Variants in PXK observed in about 807,000 individuals in gnomAD.
PXK encodes PX domain containing serine/threonine kinase like.
Under a neutral mutation model 84.7 loss-of-function variants are expected in PXK, and 35 were observed. The observed-to-expected ratio is 0.41, with a 90% CI of 0.32 to 0.55. The LOEUF (loss-of-function observed/expected upper bound fraction) is 0.55, where lower values mean the gene tolerates loss of function less well. PXK is among the 20% of genes least tolerant of loss of function. The pLI, the probability that PXK is intolerant of heterozygous loss-of-function variation, is 0.21. For missense variants in PXK, 634 were observed against 699.7 expected (o/e 0.91, Z 1.06); for synonymous variants, 253 against 260.8 (o/e 0.97, Z 0.29).
rs201688534 is a variant in PXK at position 58,354,446 on chromosome 3, T to TA, written c.103-11427dup. Among the ~76,000 whole-genome samples the TA allele has an allele frequency of 8.3e-3, 1,238 of 149,600 alleles. 21 individuals carry two copies. The highest frequency in any genetic ancestry group is 0.028 in the African/African-American group (1,127 of 40,208). Reference sequence around the variant, plus strand: ...ATTTTTGTGGTGTGGAGCTGCTTCCTAGTTTTTTTTTTTTTTTTGAGACTG... The same window carrying TA: ...ATTTTTGTGGTGTGGAGCTGCTTCCTAAGTTTTTTTTTTTTTTTTGAGACTG... On this transcript the variant is annotated intron_variant, in intron 1 of 17. Coordinates refer to ENST00000356151, the MANE Select transcript of PXK (RefSeq NM_017771.5).
chr3:58,387,012 C>T (rs1479664286), intron 4 of PXK, among the ~76,000 whole-genome samples: 1 of 152,188 alleles, frequency 6.6e-6, no homozygotes. Flanking sequence ...GTGCAATCTG[C>T]TGTGGTGGAC....
rs1164910769 is a variant in PXK at position 58,333,506 on chromosome 3, C to A, written c.102+416C>A. On this transcript the variant is annotated intron_variant, in intron 1 of 17. Transcript: ENST00000356151. This position sits in a 1 kb window ranked among gnomAD's most constrained non-coding sequence, Gnocchi z 5.4. ...TTGAGGCCGTGTAATTTCCTCCTTG[C>A]AGCTGAGGGTCTGGGTGATGGGGAT... 2.2e-6 allele frequency: 1 copy of A among 456,330 alleles called. No individual in the cohort carries two copies. Among genetic ancestry groups the A allele is most frequent in the Non-Finnish European group, 4.4e-6 (1 of 226,738 alleles). 28.3% of individuals were successfully genotyped at this position (456,330 alleles called of 1,614,324 possible).
chr3:58,334,928 GGTGTGTGTGTGTGT>G (rs143395201), intron 1 of PXK, among the ~76,000 whole-genome samples: 2 of 130,430 alleles, frequency 1.5e-5, no homozygotes, highest in Non-Finnish European at 3.3e-5. Context: ...TTATTGTAAG[GGTGTGTGTGTGTGT>G]GTGTGTGTGT....
intron 3 of PXK, among the ~76,000 whole-genome samples, chr3:58,373,015 G>A (rs550039016): frequency 1.3e-5 from 2 of 152,064 alleles, no homozygotes; most frequent in South Asian, 4.2e-4. Flanking sequence ...CTCAGTCTCT[G>A]TTCCTTAGAC....
chr3:58,391,124 G>A lies in PXK; in HGVS notation c.467-23G>A, dbSNP rs756002654. 3.8e-6 allele frequency: 6 copies of A among 1,575,804 alleles called. No homozygotes were observed. In the South Asian group the frequency reaches 6.7e-5, roughly 17 times the overall value. Reference sequence around the variant, plus strand: ...TGTTGCAAAAATTGTGCAGCTCTAAGCACATTTTTGCTTTTATGGCAGGTT... The same window carrying A: ...TGTTGCAAAAATTGTGCAGCTCTAAACACATTTTTGCTTTTATGGCAGGTT... On this transcript the variant is annotated intron_variant, in intron 5 of 17. Coordinates refer to ENST00000356151, the MANE Select transcript of PXK (RefSeq NM_017771.5).
chr3:58,363,197 A>C (rs897665250), intron 1 of PXK, among the ~76,000 whole-genome samples: 1 of 152,228 alleles, frequency 6.6e-6, no homozygotes, highest in Non-Finnish European at 1.5e-5. Flanking sequence ...TGCATGTTTT[A>C]GATTTCCCTC....
rs74579368 is a variant in PXK, at chr3:58,375,019, G to A, written c.201+5541G>A. ...GACGGTTTGAAAGAACTGATGGGAT[G>A]TCTGGGCAGAGCAATACATTTAAAA... On this transcript the variant is annotated intron_variant, in intron 3 of 17. Coordinates refer to ENST00000356151, the MANE Select transcript of PXK (RefSeq NM_017771.5). Among the ~76,000 whole-genome samples the A allele has an allele frequency of 9.1e-3, 1,335 of 146,130 alleles. 24 individuals carry two copies. Among genetic ancestry groups the A allele is most frequent in the African/African-American group, 0.032 (1,281 of 40,588 alleles).
chr3:58,388,090 G>A (rs1322469420), intron 4 of PXK, among the ~76,000 whole-genome samples: 1 of 152,220 alleles, frequency 6.6e-6, no homozygotes, highest in Non-Finnish European at 1.5e-5. Flanking sequence ...GGACTGAAAT[G>A]TGTTGCCCGA....
At chr3:58,402,576 C>T (rs958465602) in intron 12 of PXK, among the ~76,000 whole-genome samples, 4 of 151,022 alleles carry the variant, frequency 2.6e-5, no homozygotes, top group Non-Finnish European at 4.4e-5. Context: ...ACTACAGGTG[C>T]GTGCCACCAT....
intron 1 of PXK, among the ~76,000 whole-genome samples, chr3:58,336,071 A>ATTTTTTT (rs1171021563): frequency 5.8e-5 from 3 of 51,570 alleles, no homozygotes; most frequent in African/African-American, 2.0e-4. Flanking sequence ...ATATATATAT[A>ATTTTTTT]TTTTTTTTTT....
chr3:58,423,738 C>T (rs1463945361), intron 17 of PXK, among the ~76,000 whole-genome samples: 2 of 152,204 alleles, frequency 1.3e-5, no homozygotes, highest in African/African-American at 4.8e-5. Flanking sequence ...CAGAGAGCTG[C>T]AAGGTCACAG....
At chr3:58,387,992 G>C (rs1316932528) in intron 4 of PXK, among the ~76,000 whole-genome samples, 1 of 152,170 alleles carries the variant, frequency 6.6e-6, no homozygotes, top group Non-Finnish European at 1.5e-5. Flanking sequence ...GCCAGAGGTT[G>C]GTTGAACACT....
chr3:58,419,353 G>T (rs1468149703), intron 17 of PXK, among the ~76,000 whole-genome samples: 1 of 152,244 alleles, frequency 6.6e-6, no homozygotes, highest in Non-Finnish European at 1.5e-5. Context: ...CTGGGTTCAA[G>T]TAATTCTCCT....
intron 17 of PXK, chr3:58,422,954 G>T (rs1212012601): frequency 1.0e-6 from 1 of 985,298 alleles, no homozygotes; most frequent in Non-Finnish European, 1.2e-6. Context: ...TACACTACGT[G>T]GCCCTGAATA....
intron 1 of PXK, among the ~76,000 whole-genome samples, chr3:58,350,175 C>T (rs150259929): frequency 0.016 from 2,438 of 152,220 alleles, 41 homozygotes; most frequent in African/African-American, 0.035. Context: ...ATGTTCCTTT[C>T]GACTGCTTCT....
At chr3:58,388,293 G>A (rs994524303) in intron 4 of PXK, among the ~76,000 whole-genome samples, 7 of 152,118 alleles carry the variant, frequency 4.6e-5, no homozygotes, top group African/African-American at 1.4e-4. Flanking sequence ...TATTTCCCCT[G>A]TTCCTAAAAC....
At chr3:58,395,840 TCCAAA>T in intron 9 of PXK, 81 bp downstream of exon 9, 10 of 1,142,032 alleles carry the variant, frequency 8.8e-6, no homozygotes, top group African/African-American at 1.6e-5. Context: ...TTAAGTAATA[TCCAAA>T]ATTACTTAAG....
intron 1 of PXK, among the ~76,000 whole-genome samples, chr3:58,352,035 GCA>G (rs1227906176): frequency 6.6e-6 from 1 of 152,248 alleles, no homozygotes; most frequent in Non-Finnish European, 1.5e-5. Flanking sequence ...GGAAACTGAA[GCA>G]CAGAGAAGTT....
Position 58,332,924 on chromosome 3 carries a change from G to A in PXK, c.-65G>A. On this transcript the variant is annotated 5_prime_UTR_variant, in exon 1 of 18. Coordinates refer to ENST00000356151, the MANE Select transcript of PXK (RefSeq NM_017771.5). The surrounding 1 kb of genome is among the most constrained non-coding windows in gnomAD (Gnocchi z 5.6). ...GCGGCGGCGGTGGAACCGGGCGGGC[G>A]GCGGGAGTCGGCGCCTCGGGTTCCT... 22 of 1,068,948 alleles carry A rather than the reference G, an allele frequency of 2.1e-5. No homozygotes were observed. The highest frequency in any genetic ancestry group is 2.6e-5 in the Non-Finnish European group (22 of 830,748). The allele number at this position is 1,068,948 out of a possible 1,614,324, so 66.2% of individuals were successfully genotyped here.
Sources: allele counts gnomAD v4.1 joint callset (sites outside exome capture counted in the v4.1 genomes callset), GRCh38; gene constraint gnomAD v4.1.1; non-coding constraint Gnocchi (gnomAD v3.1); transcripts MANE v1.5; gene names NCBI Gene and HGNC (gene_info 2026-07-23, HGNC 2026-07-21).